BACE2: variants seen among roughly 807,000 people sequenced by gnomAD.
BACE2 encodes 56 kDa aspartic-like protease.
Under a neutral mutation model 46.2 loss-of-function variants are expected in BACE2, and 17 were observed. The ratio of observed to expected loss-of-function variants is 0.37; its 90% CI spans 0.25 to 0.55. The LOEUF (loss-of-function observed/expected upper bound fraction) is 0.55. Ranked by LOEUF, BACE2 falls within the 20% of genes least tolerant of loss-of-function variation. The pLI is 0.82. For missense variants in BACE2, 595 were observed against 698.1 expected (o/e 0.85, Z 1.66); for synonymous variants, 277 against 295.9 (o/e 0.94, Z 0.66).
rs1984465803 is a variant in BACE2, at chr21:41,168,512, C to T, written c.249C>T (p.Asn83=). 7.3e-7 allele frequency: 1 copy of T among 1,372,408 alleles called. No individual in the cohort carries two copies. The highest frequency in any genetic ancestry group is 9.5e-7 in the Non-Finnish European group (1 of 1,056,984). 85.0% of individuals were successfully genotyped at this position (1,372,408 alleles called of 1,614,324 possible). ...GAANFLAMVD[N]LQGDSGRGYY... ...CCAACTTCTTGGCCATGGTAGACAACCTGCAGGGGGACTCTGGCCGCGGCT... is the reference window on the plus strand; with the variant it reads ...CCAACTTCTTGGCCATGGTAGACAATCTGCAGGGGGACTCTGGCCGCGGCT... The change falls in exon 1 of 9, where the codon AAC becomes AAT. Residue 83 remains asparagine, a synonymous_variant. Coordinates refer to ENST00000330333, the MANE Select transcript of BACE2 (RefSeq NM_012105.5).
intron 5 of BACE2, 129 bp from the exon 6 acceptor site, chr21:41,245,833 A>G: frequency 1.6e-6 from 1 of 627,718 alleles, no homozygotes; most frequent in Admixed American, 2.8e-5. Context: ...TGAACTACAC[A>G]GTCCATGATG....
chr21:41,275,269 C>A, intron 8 of BACE2, 102 bp from the exon 9 acceptor site: 1 of 1,526,926 alleles, frequency 6.5e-7, no homozygotes, highest in Non-Finnish European at 8.9e-7. Flanking sequence ...CCTCAGTGGA[C>A]TTTAACTGTG....
At chr21:41,188,514 T>G (rs1460712794) in intron 1 of BACE2, among the ~76,000 whole-genome samples, 2 of 152,130 alleles carry the variant, frequency 1.3e-5, no homozygotes, top group Non-Finnish European at 2.9e-5. Flanking sequence ...AAGTCATGCC[T>G]GTGTCTAGAG....
At chr21:41,247,298 G>A (rs919067463) in intron 6 of BACE2, among the ~76,000 whole-genome samples, 1 of 152,154 alleles carries the variant, frequency 6.6e-6, no homozygotes, top group Non-Finnish European at 1.5e-5. Context: ...AGGAAAGGAC[G>A]CGGGCTCTTT....
At chr21:41,230,904 G>T (rs1388915488) in intron 2 of BACE2, among the ~76,000 whole-genome samples, 2 of 152,168 alleles carry the variant, frequency 1.3e-5, no homozygotes. Context: ...CTCACCTCCA[G>T]CTAGTTGGCT....
chr21:41,242,740 T>G (rs1477176580), intron 4 of BACE2, among the ~76,000 whole-genome samples: 1 of 152,192 alleles, frequency 6.6e-6, no homozygotes, highest in African/African-American at 2.4e-5. Flanking sequence ...GTTAACTGTT[T>G]TATTGCATTT....
chr21:41,179,788 G>A (rs1234955390), intron 1 of BACE2: 1 of 587,550 alleles, frequency 1.7e-6, no homozygotes, highest in South Asian at 1.8e-5. Context: ...AGAGACTATT[G>A]TGTGTTTTAT....
chr21:41,212,015 A>C (rs535582575), intron 1 of BACE2, among the ~76,000 whole-genome samples: 1 of 152,210 alleles, frequency 6.6e-6, no homozygotes. Context: ...TTTCTCGACC[A>C]CTGTTTTCTT....
chr21:41,244,319 G>A (rs1371665571), intron 5 of BACE2, among the ~76,000 whole-genome samples: 1 of 152,178 alleles, frequency 6.6e-6, no homozygotes, highest in Non-Finnish European at 1.5e-5. Flanking sequence ...GAGCAACAAG[G>A]TTTTTATTTC....
chr21:41,244,131 C>T (rs1445967565), intron 5 of BACE2, among the ~76,000 whole-genome samples: 1 of 152,142 alleles, frequency 6.6e-6, no homozygotes, highest in Non-Finnish European at 1.5e-5. Context: ...TTGTGAGAGC[C>T]TCAGTCTTCT....
intron 8 of BACE2, among the ~76,000 whole-genome samples, chr21:41,257,905 A>C (rs541073742): frequency 1.3e-5 from 2 of 152,312 alleles, no homozygotes; most frequent in South Asian, 4.1e-4. Context: ...AGGATAGATA[A>C]ACCCCATAAG....
In BACE2 at chr21:41,280,634, A is replaced by C. The variant is rs1277582756; in HGVS notation, c.*5010A>C. On this transcript the variant is annotated 3_prime_UTR_variant, in exon 9 of 9. Coordinates refer to ENST00000330333, the MANE Select transcript of BACE2 (RefSeq NM_012105.5). ...GCAGGCTCCCTGGGCTCTTGGTGTC[A>C]CCCTGTTAGCCACATCTGCGGAATG... The C allele has an allele frequency of 6.6e-6, 1 of 152,246 alleles. No individual in the cohort carries two copies. The highest frequency in any genetic ancestry group is 2.4e-5 in the African/African-American group (1 of 41,448). The allele number at this position is 152,246 out of a possible 1,614,324, so 9.4% of individuals were successfully genotyped here.
chr21:41,168,238 C>G lies in BACE2; in HGVS notation c.-26C>G, dbSNP rs910715692. 3 of 1,133,190 alleles carry G rather than the reference C, an allele frequency of 2.6e-6. No individual in the cohort carries two copies. 70.2% of individuals were successfully genotyped at this position (1,133,190 alleles called of 1,614,324 possible). A position where few individuals can be genotyped will look rare whatever the true frequency, so the allele number is the denominator to read the frequency against. ...ACGGGACGGGACCGGCTAGGCTGGG[C>G]GCGCCCCCCGGGCCCCGCCGTGGGC... is the stretch of plus-strand genomic sequence containing the variant. On this transcript the variant is annotated 5_prime_UTR_variant, in exon 1 of 9. Transcript: ENST00000330333.
intron 2 of BACE2, among the ~76,000 whole-genome samples, chr21:41,228,631 G>A (rs1986886951): frequency 6.6e-6 from 1 of 152,152 alleles, no homozygotes; most frequent in Non-Finnish European, 1.5e-5. Context: ...AGCTAACAGA[G>A]TGAGATCTCA....
intron 5 of BACE2, 48 bp downstream of exon 5, chr21:41,243,558 C>T (rs1987367763): frequency 6.5e-7 from 1 of 1,536,790 alleles, no homozygotes; most frequent in Non-Finnish European, 8.7e-7. Flanking sequence ...ATGTCTGGGT[C>T]CCTTAAATAT....
At chr21:41,229,278 C>T (rs1986908751) in intron 2 of BACE2, among the ~76,000 whole-genome samples, 1 of 152,206 alleles carries the variant, frequency 6.6e-6, no homozygotes, top group Admixed American at 6.5e-5. Flanking sequence ...GTGGAGCTTG[C>T]ATTTCCTCGT....
intron 2 of BACE2, among the ~76,000 whole-genome samples, chr21:41,235,322 T>A (rs2123590656): frequency 6.6e-6 from 1 of 152,348 alleles, no homozygotes; most frequent in Non-Finnish European, 1.5e-5. Flanking sequence ...TAATAGCGCA[T>A]CATATGGATA....
At chr21:41,216,337 T>C (rs1986465343) in intron 1 of BACE2, among the ~76,000 whole-genome samples, 1 of 152,226 alleles carries the variant, frequency 6.6e-6, no homozygotes, top group South Asian at 2.1e-4. Flanking sequence ...GGGCCATTTC[T>C]CTCAGATCAT....
intron 2 of BACE2, among the ~76,000 whole-genome samples, chr21:41,229,287 G>A (rs2837971): frequency 0.36 from 54,879 of 152,054 alleles, 14,173 homozygotes; most frequent in African/African-American, 0.74. Flanking sequence ...GCATTTCCTC[G>A]TTTAGCAATT....
Sources: gnomAD v4.1 joint callset for allele counts (sites outside exome capture counted in the v4.1 genomes callset) on GRCh38, gnomAD v4.1.1 for gene constraint, MANE v1.5 for transcripts, NCBI Gene and HGNC (gene_info 2026-07-23, HGNC 2026-07-21) for gene names.